Variants in ANKRD24 observed in about 807,000 individuals in gnomAD.
ANKRD24 encodes ankyrin repeat domain-containing protein 24.
Under a neutral mutation model 127.8 loss-of-function variants are expected in ANKRD24, and 109 were observed. The observed-to-expected ratio is 0.85, with a 90% CI of 0.73 to 1.00. The LOEUF is 1.00. Ranked by LOEUF, ANKRD24 falls within the 50% of genes least tolerant of loss-of-function variation. The probability of loss-of-function intolerance (pLI) is 0.00; values close to 1 mark genes in which losing one functional copy is unlikely to be tolerated. For synonymous variants in ANKRD24, 743 were observed against 671.1 expected (o/e 1.11, Z -1.66); for missense variants, 1,648 against 1,570.2 (o/e 1.05, Z -0.84).
intron 15 of ANKRD24, among the ~76,000 whole-genome samples, chr19:4,214,608 C>T (rs1969953946): frequency 6.6e-6 from 1 of 152,142 alleles, no homozygotes; most frequent in East Asian, 1.9e-4. Context: ...AATCTCAGCA[C>T]TTTGGGAGCC....
rs935258633 is a variant in ANKRD24 at position 4,204,229 on chromosome 19, G to C, written c.466+1303G>C. 2.6e-5 allele frequency among the ~76,000 whole-genome samples: 4 copies of C among 151,844 alleles called. No individual in the cohort carries two copies. The South Asian group carries it at 8.3e-4, about 32-fold the overall frequency. On this transcript the variant is annotated intron_variant, in intron 7 of 21. Transcript: ENST00000318934. ...ATCCGCCTGCTCGGCCTCCCAAAGT[G>C]CTGGGATTACAGGCGTGAGCCACCG...
chr19:4,207,798 C>T lies in ANKRD24; in HGVS notation c.662C>T (p.Ala221Val). ...DLQGRTALML[A>V]CEGASPETVE... ...CCTGGTAGGACGGCCCTGATGCTGG[C>T]CTGTGAGGGGGCCAGCCCCGAAACA... Residue 221 changes from alanine to valine, a missense_variant, in exon 10 of 22, where the codon GCC (alanine) becomes GTC (valine). Ala to Val is a moderately conservative substitution (Grantham distance 64). Coordinates refer to ENST00000318934, the MANE Select transcript of ANKRD24 (RefSeq NM_001393985.1). 1 of 1,573,026 alleles carries T rather than the reference C, an allele frequency of 6.4e-7. No homozygotes were observed. Among genetic ancestry groups the T allele is most frequent in the Non-Finnish European group, 8.6e-7 (1 of 1,160,078 alleles).
Position 4,196,499 on chromosome 19 carries a change from T to G in ANKRD24, c.37-3184T>G, listed in dbSNP as rs1457366588. The stretch of plus-strand genomic sequence containing the variant: ...CAAGCGATTCTCCTGCCTCACTTCC[T>G]GAGTAGCTGAGATTACAGGCGCCCG... On this transcript the variant is annotated intron_variant, in intron 2 of 21. Transcript: ENST00000318934. 2.6e-5 allele frequency among the ~76,000 whole-genome samples: 4 copies of G among 152,076 alleles called. 1 individual carries two copies. Among genetic ancestry groups the G allele is most frequent in the African/African-American group, 9.7e-5 (4 of 41,400 alleles).
At chr19:4,214,193 G>T (rs1489791531) in intron 15 of ANKRD24, among the ~76,000 whole-genome samples, 2 of 151,556 alleles carry the variant, frequency 1.3e-5, no homozygotes, top group Non-Finnish European at 2.9e-5. Context: ...TTGAGACAGG[G>T]TCTTGTTCTG....
chr19:4,219,953 G>C (rs943570717), intron 19 of ANKRD24, among the ~76,000 whole-genome samples, 195 bp downstream of exon 19: 1 of 152,202 alleles, frequency 6.6e-6, no homozygotes. Context: ...GCTGTTCCAG[G>C]TACCAATTAT....
Position 4,216,412 on chromosome 19 carries a change from G to A in ANKRD24, c.1389+10G>A, listed in dbSNP as rs369883788. 148 of 1,561,122 alleles carry A rather than the reference G, an allele frequency of 9.5e-5. No individual in the cohort carries two copies. Among genetic ancestry groups the A allele is most frequent in the Non-Finnish European group, 1.2e-4 (141 of 1,152,562 alleles). ...GATGGAGAAGGTCCAGGTAGGGAAA[G>A]TGAGGCTGGGGACAGATCTGAGGAC... On this transcript the variant is annotated intron_variant, in intron 17 of 21. Coordinates refer to ENST00000318934, the MANE Select transcript of ANKRD24 (RefSeq NM_001393985.1).
chr19:4,222,101 A>T (rs1442454288), intron 19 of ANKRD24, among the ~76,000 whole-genome samples: 1 of 152,206 alleles, frequency 6.6e-6, no homozygotes, highest in Admixed American at 6.6e-5. Context: ...TAAGTTAAGA[A>T]CTATTGGCCG....
chr19:4,192,460 C>G (rs573083233), intron 2 of ANKRD24, among the ~76,000 whole-genome samples: 20 of 151,568 alleles, frequency 1.3e-4, no homozygotes, highest in African/African-American at 4.8e-4. Context: ...ATCCTCCCGC[C>G]TTAGCCTCCC....
At position 4,216,616 on chromosome 19, in the gene ANKRD24, C is replaced by G. The variant is rs1346679338; in HGVS notation, c.1456C>G (p.Leu486Val). 1.9e-6 allele frequency: 3 copies of G among 1,611,114 alleles called. No individual in the cohort carries two copies. Among genetic ancestry groups the G allele is most frequent in the Admixed American group, 3.4e-5 (2 of 59,528 alleles). ...EVEALAEVIP[L>V]ALYDSLRAEF... ...GGAAGCTTTGGCAGAGGTCATCCCT[C>G]TTGCCCTCTATGACTCTCTCCGGGC... is the stretch of plus-strand genomic sequence containing the variant. The change falls in exon 18 of 22, where the codon CTT becomes GTT. Residue 486 changes from leucine (L) to valine (V), a missense_variant. By Grantham distance (32) the Leu-to-Val change is conservative (BLOSUM62 1). Transcript: ENST00000318934.
chr19:4,217,383 G>A lies in ANKRD24; in HGVS notation c.2223G>A (p.Arg741=), dbSNP rs1246357809. Residue 741 remains arginine (R), a synonymous_variant, in exon 18 of 22, where the codon CGG becomes CGA. Coordinates refer to ENST00000318934, the MANE Select transcript of ANKRD24 (RefSeq NM_001393985.1). The stretch of plus-strand genomic sequence containing the variant: ...AGGAGGCTCTCCGGCAGCGGGAGCG[G>A]GAGGCAGCTGCGGAGCTGGAGGCGG... The part of the protein sequence containing the change: ...GLEEALRQRE[R]EAAAELEAAL... 2.6e-6 allele frequency: 4 copies of A among 1,550,506 alleles called. No homozygotes were observed. Among genetic ancestry groups the A allele is most frequent in the Admixed American group, 2.0e-5 (1 of 50,950 alleles).
intron 7 of ANKRD24, among the ~76,000 whole-genome samples, chr19:4,204,924 A>T (rs1288849235): frequency 6.6e-6 from 1 of 152,174 alleles, no homozygotes; most frequent in Non-Finnish European, 1.5e-5. Context: ...CAACATGGTG[A>T]AACCCTGTCT....
At position 4,195,764 on chromosome 19, in the gene ANKRD24, T is replaced by C. The variant is rs368923143; in HGVS notation, c.37-3919T>C. 3.3e-5 allele frequency among the ~76,000 whole-genome samples: 5 copies of C among 152,172 alleles called. No homozygotes were observed. The highest frequency in any genetic ancestry group is 4.8e-5 in the African/African-American group (2 of 41,524). On this transcript the variant is annotated intron_variant, in intron 2 of 21. Coordinates refer to ENST00000318934, the MANE Select transcript of ANKRD24 (RefSeq NM_001393985.1). This position sits in a 1 kb window ranked among gnomAD's most constrained non-coding sequence, Gnocchi z 4.2. Reference sequence around the variant, plus strand: ...CAAAAATTCGCTAGGCGTGGTGGCGTGTGCCTGTAATCCCAGCTACTCGGG... The same window carrying C: ...CAAAAATTCGCTAGGCGTGGTGGCGCGTGCCTGTAATCCCAGCTACTCGGG...
At chr19:4,193,297 C>CAAAAA (rs71166975) in intron 2 of ANKRD24, among the ~76,000 whole-genome samples, 23 of 90,678 alleles carry the variant, frequency 2.5e-4, no homozygotes, top group African/African-American at 6.0e-4. Context: ...GCGACTCCAT[C>CAAAAA]AAAAAAAAAA....
In ANKRD24 at chr19:4,224,515, G is replaced by A; in HGVS notation, c.*10G>A. On this transcript the variant is annotated 3_prime_UTR_variant, in exon 22 of 22. Transcript: ENST00000318934. ...GGCTCAGGGCCGCTGAGAAAGGCCA[G>A]GCCCAGTGGCTACACTGACCACACC... is the stretch of plus-strand genomic sequence containing the variant. 1 of 1,603,876 alleles carries A rather than the reference G, an allele frequency of 6.2e-7. No homozygotes were observed. Among genetic ancestry groups the A allele is most frequent in the South Asian group, 1.1e-5 (1 of 89,124 alleles).
intron 15 of ANKRD24, among the ~76,000 whole-genome samples, chr19:4,215,072 G>A (rs562306056): frequency 2.6e-5 from 4 of 152,314 alleles, no homozygotes; most frequent in African/African-American, 7.2e-5. Context: ...GGAGGGAAAC[G>A]CCCATGGCAC....
rs766705294 is a variant in ANKRD24, at chr19:4,210,107, C to T, written c.920C>T (p.Ala307Val). The T allele has an allele frequency of 1.5e-5, 24 of 1,611,636 alleles. No individual in the cohort carries two copies. The highest frequency in any genetic ancestry group is 2.7e-5 in the African/African-American group (2 of 74,882). ...GKQGAPKKRK[A>V]PPPPASIPMP... ...CAGGGGGCCCCCAAGAAGCGGAAGG[C>T]GCCTCCACCTCCCGCCAGCATTCCC... The change falls in exon 12 of 22, where the codon GCG becomes GTG. Residue 307 changes from alanine to valine, a missense_variant. Physicochemically the swap from Ala to Val is moderately conservative, Grantham distance 64. Transcript: ENST00000318934.
In ANKRD24 at chr19:4,216,961, C is replaced by T; in HGVS notation, c.1801C>T (p.Pro601Ser). ...ATGAKVTETK[P>S]TGAEVREMET... ...AGGAGCCAAGGTCACAGAAACAAAA[C>T]CCACAGGGGCTGAGGTCAGAGAAAT... Residue 601 changes from proline (P) to serine (S), a missense_variant, in exon 18 of 22, where the codon CCC becomes TCC. Transcript: ENST00000318934. The T allele has an allele frequency of 6.2e-7, 1 of 1,611,900 alleles. No homozygotes were observed. Among genetic ancestry groups the T allele is most frequent in the African/African-American group, 1.3e-5 (1 of 74,876 alleles).
chr19:4,186,847 A>G (rs954251360), intron 2 of ANKRD24, among the ~76,000 whole-genome samples: 5 of 152,206 alleles, frequency 3.3e-5, no homozygotes, highest in Admixed American at 1.3e-4. Context: ...TACTCAGCAC[A>G]TATTTATATA....
intron 18 of ANKRD24, among the ~76,000 whole-genome samples, chr19:4,219,367 C>T (rs757431797): frequency 1.4e-4 from 22 of 151,828 alleles, no homozygotes; most frequent in Admixed American, 3.3e-4. Context: ...CTTGGAAGGC[C>T]GAGGTGGGAG....
Sources: allele counts gnomAD v4.1 joint callset (sites outside exome capture counted in the v4.1 genomes callset), GRCh38; gene constraint gnomAD v4.1.1; non-coding constraint Gnocchi (gnomAD v3.1); transcripts MANE v1.5; gene names NCBI Gene and HGNC (gene_info 2026-07-23, HGNC 2026-07-21).